Variants in CEP131 observed in about 807,000 individuals in gnomAD.
The protein encoded by CEP131 is centrosomal protein 131.
Under a neutral mutation model 136.8 loss-of-function variants are expected in CEP131, and 99 were observed. That is an observed-to-expected ratio of 0.72 (90% CI 0.62 to 0.86). The LOEUF is 0.86. CEP131 is among the 40% of genes least tolerant of loss of function. The probability of loss-of-function intolerance (pLI) is 0.00; values close to 1 mark genes in which losing one functional copy is unlikely to be tolerated. For synonymous variants in CEP131, 646 were observed against 612.7 expected (o/e 1.05, Z -0.80); for missense variants, 1,459 against 1,463.0 (o/e 1.00, Z 0.04).
intron 22 of CEP131, 28 bp downstream of exon 22, chr17:81,191,165 T>C (rs2061632056): frequency 6.2e-7 from 1 of 1,610,508 alleles, no homozygotes; most frequent in South Asian, 1.1e-5. Flanking sequence ...CCTCCCCAGC[T>C]GGTGACCCAG....
intron 2 of CEP131, among the ~76,000 whole-genome samples, chr17:81,209,574 C>T: frequency 1.0e-5 from 1 of 100,132 alleles, no homozygotes; most frequent in African/African-American, 3.6e-5. Flanking sequence ...AGGATCAGAG[C>T]GCTCGGAGAA....
rs759147509 is a variant in CEP131, at chr17:81,220,041, C to T, written c.16G>A (p.Ala6Thr). The change falls in exon 2 of 26, where the codon GCC (alanine) becomes ACC (threonine). Residue 6 changes from alanine (A) to threonine (T), a missense_variant. This residue lies in a region of CEP131 where 187 missense variants were observed against 179.9 expected (regional missense o/e 1.04). Coordinates refer to ENST00000450824, the MANE Select transcript of CEP131 (RefSeq NM_014984.4). ...CTGCGCTCCGGGACGCTGCCGATGGCCCGGGTGCCTTTCATGGTGGACAAG... is the reference window on the plus strand; with the variant it reads ...CTGCGCTCCGGGACGCTGCCGATGGTCCGGGTGCCTTTCATGGTGGACAAG... MKGTRAIGSVPERSPA... is the reference protein window; with the variant it reads MKGTRTIGSVPERSPA... 1.8e-5 allele frequency: 29 copies of T among 1,587,560 alleles called. No homozygotes were observed. Among genetic ancestry groups the T allele is most frequent in the Non-Finnish European group, 1.7e-6 (2 of 1,167,972 alleles).
intron 5 of CEP131, among the ~76,000 whole-genome samples, chr17:81,204,955 A>G (rs1017040604): frequency 1.3e-5 from 2 of 152,194 alleles, no homozygotes; most frequent in South Asian, 2.1e-4. Flanking sequence ...TGTATTCATA[A>G]ATGTTTTCAA....
intron 16 of CEP131, 117 bp from the exon 17 acceptor site, chr17:81,195,089 T>C: frequency 1.3e-6 from 1 of 751,178 alleles, no homozygotes; most frequent in Non-Finnish European, 2.2e-6. Context: ...CCGGCACTCA[T>C]GGTTGGGTGT....
chr17:81,200,099 C>T (rs541320380), intron 8 of CEP131: 4 of 608,720 alleles, frequency 6.6e-6, no homozygotes, highest in Non-Finnish European at 1.2e-5. Flanking sequence ...GACTCTCCAG[C>T]CTGGGATGGA....
chr17:81,214,930 G>A (rs373567805), intron 2 of CEP131, among the ~76,000 whole-genome samples: 1,747 of 151,630 alleles, frequency 0.012, 41 homozygotes, highest in African/African-American at 0.04. Flanking sequence ...CTGCCACCAC[G>A]CCCGGCTAAT....
In CEP131 at chr17:81,192,854, G is replaced by GT; in HGVS notation, c.2322-12dup. ...AGGTGCTGCTGGAACCTGCGGGACG[G>GT]TCAGGACTGGCTCTCGGGGGCCGGG... On this transcript the variant is annotated splice_polypyrimidine_tract_variant and intron_variant, in intron 18 of 25. Coordinates refer to ENST00000450824, the MANE Select transcript of CEP131 (RefSeq NM_014984.4). 1 of 1,595,482 alleles carries GT rather than the reference G, an allele frequency of 6.3e-7. No individual in the cohort carries two copies. The highest frequency in any genetic ancestry group is 8.5e-7 in the Non-Finnish European group (1 of 1,178,528).
intron 2 of CEP131, among the ~76,000 whole-genome samples, chr17:81,218,439 GTCAGTGAC>G (rs2062305288): frequency 6.6e-6 from 1 of 152,258 alleles, no homozygotes; most frequent in African/African-American, 2.4e-5. Context: ...GGGCGAGGGG[GTCAGTGAC>G]GCAGGAGCAG....
In CEP131 at chr17:81,192,586, C is replaced by T; in HGVS notation, c.2437G>A (p.Ala813Thr). 6.2e-7 allele frequency: 1 copy of T among 1,607,254 alleles called. No individual in the cohort carries two copies. The stretch of plus-strand genomic sequence containing the variant: ...TGCTGCCTCAGCTCTTCCAGCTCCG[C>T]CCGCTGCCTGCGGCCAGGGAGGAGT... Reference protein sequence around the residue: ...RLGQQAARQRAELEELRQQLE... With the variant: ...RLGQQAARQRTELEELRQQLE... Residue 813 changes from alanine (A) to threonine (T), a missense_variant, in exon 20 of 26, where the codon GCG (alanine) becomes ACG (threonine). This residue lies in a region of CEP131 where 1,026 missense variants were observed against 964.2 expected (regional missense o/e 1.06). Transcript: ENST00000450824.
At chr17:81,199,598 A>C (rs906176) in intron 9 of CEP131, 49 bp from the exon 10 acceptor site, 11 of 1,587,944 alleles carry the variant, frequency 6.9e-6, no homozygotes, top group Non-Finnish European at 9.4e-6. Context: ...GGACGACCCC[A>C]GGCTCCACAG....
rs1343726521 is a variant in CEP131 at position 81,192,839 on chromosome 17, G to A, written c.2326C>T (p.Gln776Ter). The stretch of plus-strand genomic sequence containing the variant: ...CACTGCTCCTGCTCCAGGTGCTGCT[G>A]GAACCTGCGGGACGGTCAGGACTGG... ...QERERARQRF[Q>*]QHLEQEQWAL... is the part of the protein sequence containing the mutation. The change falls in exon 19 of 26, where the codon CAG becomes TAG. Residue 776 changes from glutamine to a stop codon, truncating the protein, a stop_gained. Coordinates refer to ENST00000450824, the MANE Select transcript of CEP131 (RefSeq NM_014984.4). LOFTEE classifies it high-confidence loss of function. The A allele has an allele frequency of 6.3e-7, 1 of 1,597,330 alleles. No individual in the cohort carries two copies. Among genetic ancestry groups the A allele is most frequent in the African/African-American group, 1.3e-5 (1 of 74,988 alleles).
rs115318164 is a variant in CEP131, at chr17:81,194,300, A to G, written c.2120-173T>C. Among the ~76,000 whole-genome samples, 1,114 of 151,518 alleles carry G rather than the reference A, an allele frequency of 7.4e-3. 18 individuals carry two copies. The highest frequency in any genetic ancestry group is 0.026 in the African/African-American group (1,072 of 41,270). On this transcript the variant is annotated intron_variant, in intron 17 of 25. Transcript: ENST00000450824. Reference sequence around the variant, plus strand: ...TTGACGCCCACGAGGTGGGGAAGAGACCCCCACAGGGCCACGGCGCCTCTC... The same window carrying G: ...TTGACGCCCACGAGGTGGGGAAGAGGCCCCCACAGGGCCACGGCGCCTCTC...
In CEP131 at chr17:81,198,255, T is replaced by G; in HGVS notation, c.1330A>C (p.Met444Leu). The G allele has an allele frequency of 6.2e-7, 1 of 1,604,414 alleles. No individual in the cohort carries two copies. Among genetic ancestry groups the G allele is most frequent in the Non-Finnish European group, 8.5e-7 (1 of 1,175,666 alleles). Reference sequence around the variant, plus strand: ...TTGGCGCTCCCCCTGCTCGGGGCCATCATCTCCAGGTTGTCCCCAGCTGCA... The same window carrying G: ...TTGGCGCTCCCCCTGCTCGGGGCCAGCATCTCCAGGTTGTCCCCAGCTGCA... The part of the protein sequence containing the change: ...QDAAGDNLEM[M>L]APSRGSAKSR... The change falls in exon 12 of 26, where the codon ATG becomes CTG. Residue 444 changes from methionine to leucine, a missense_variant. Met to Leu is a conservative substitution (Grantham distance 15). This residue lies in a region of CEP131 where 1,026 missense variants were observed against 964.2 expected (regional missense o/e 1.06). Transcript: ENST00000450824.
At chr17:81,213,092 G>A (rs183641641) in intron 2 of CEP131, among the ~76,000 whole-genome samples, 5 of 152,300 alleles carry the variant, frequency 3.3e-5, no homozygotes, top group African/African-American at 7.2e-5. Flanking sequence ...AAATAAGGAC[G>A]TGCTCAGAAG....
chr17:81,204,920 C>T (rs944528449), intron 5 of CEP131, among the ~76,000 whole-genome samples: 24 of 152,200 alleles, frequency 1.6e-4, no homozygotes, highest in Non-Finnish European at 4.4e-5. Flanking sequence ...TGATTTTGAG[C>T]TGTTCAGGAA....
chr17:81,198,112 C>T lies in CEP131; in HGVS notation c.1470+3G>A, dbSNP rs765379951. On this transcript the variant is annotated splice_donor_region_variant and intron_variant, in intron 12 of 25. Coordinates refer to ENST00000450824, the MANE Select transcript of CEP131 (RefSeq NM_014984.4). ...GTGCAGGGCGGGCGCACACCGTGGT[C>T]ACCTCGCTGGCCCAGGCGTATCTGC... 26 of 1,557,756 alleles carry T rather than the reference C, an allele frequency of 1.7e-5. No homozygotes were observed. In the East Asian group the frequency reaches 5.9e-4, roughly 35 times the overall value.
chr17:81,222,686 A>T (rs2062414744), intron 1 of CEP131, 83 bp downstream of exon 1: 1 of 150,344 alleles, frequency 6.7e-6, no homozygotes, highest in Admixed American at 6.6e-5. Context: ...TCACTGGACC[A>T]GGGCCTCCCA....
At chr17:81,206,254 G>C (rs1424610087) in intron 5 of CEP131, among the ~76,000 whole-genome samples, 1 of 151,884 alleles carries the variant, frequency 6.6e-6, no homozygotes, top group African/African-American at 2.4e-5. Flanking sequence ...CAACCCTGGA[G>C]AATAACCACA....
chr17:81,209,065 A>T, intron 2 of CEP131, 43 bp from the exon 3 acceptor site: 1 of 1,434,234 alleles, frequency 7.0e-7, no homozygotes, highest in Non-Finnish European at 9.7e-7. Flanking sequence ...GCAAAGGCTC[A>T]CTCACCAGTT....
Sources: gnomAD v4.1 joint callset for allele counts (sites outside exome capture counted in the v4.1 genomes callset) on GRCh38, gnomAD v4.1.1 for gene constraint, gnomAD v4.1.1 regional missense constraint, MANE v1.5 for transcripts, NCBI Gene and HGNC (gene_info 2026-07-23, HGNC 2026-07-21) for gene names.